Variants in ARFGEF1 observed in about 807,000 individuals in gnomAD.
The protein encoded by ARFGEF1 is brefeldin A-inhibited guanine nucleotide-exchange protein 1.
In ARFGEF1, 42 loss-of-function variants were observed where a neutral mutation model predicts 231.0. That is an observed-to-expected ratio of 0.18 (90% CI 0.14 to 0.24). The LOEUF is 0.24. Among genes scored for constraint, ARFGEF1 ranks in the 10% least tolerant of loss-of-function variants. The pLI, the probability that ARFGEF1 is intolerant of heterozygous loss-of-function variation, is 1.00. For synonymous variants in ARFGEF1, 710 were observed against 732.3 expected, an observed-to-expected ratio of 0.97 and a Z score of 0.49; for missense variants, 1,345 against 2,192.0, an observed-to-expected ratio of 0.61 and a Z score of 7.72.
At chr8:67,310,925 G>A (rs533335972) in intron 1 of ARFGEF1, among the ~76,000 whole-genome samples, 16 of 151,892 alleles carry the variant, frequency 1.1e-4, no homozygotes, top group African/African-American at 3.6e-4. Flanking sequence ...GGGAAGTGAG[G>A]AGCCTCTCCG....
intron 10 of ARFGEF1, among the ~76,000 whole-genome samples, chr8:67,270,442 C>T (rs1348804190): frequency 6.6e-6 from 1 of 151,886 alleles, no homozygotes. Context: ...ATAATTTATC[C>T]TTTCTAACAA....
chr8:67,332,389 C>G (rs1181862726), intron 1 of ARFGEF1, among the ~76,000 whole-genome samples: 1 of 152,132 alleles, frequency 6.6e-6, no homozygotes, highest in African/African-American at 2.4e-5. Flanking sequence ...GCTAACCTAT[C>G]CTGAATCCCT....
intron 5 of ARFGEF1, among the ~76,000 whole-genome samples, chr8:67,189,772 A>T (rs969942383): frequency 5.3e-5 from 8 of 152,170 alleles, no homozygotes; most frequent in African/African-American, 1.9e-4. Context: ...CCCCCCAAAT[A>T]TATATAGAAA....
intron 6 of ARFGEF1, among the ~76,000 whole-genome samples, chr8:67,289,145 T>C (rs775297254): frequency 3.9e-5 from 6 of 152,122 alleles, no homozygotes; most frequent in Non-Finnish European, 7.4e-5. Flanking sequence ...CACTTTAGAA[T>C]GCCCTGGGAT....
Position 67,267,416 on chromosome 8 carries a change from G to A in ARFGEF1, c.1599C>T (p.Tyr533=). ...IEVFFKEIFL[Y]ILETSTSSFD... ...ATGAGCTGGTAGAAGTTTCCAAAAT[G>A]TATAAGAAAATTTCTTTAAAGAACA... Residue 533 remains tyrosine, a synonymous_variant, in exon 11 of 39, where the codon TAC becomes TAT. Coordinates refer to ENST00000262215, the MANE Select transcript of ARFGEF1 (RefSeq NM_006421.5). The A allele has an allele frequency of 3.1e-6, 5 of 1,609,666 alleles. No homozygotes were observed. In the South Asian group the frequency reaches 5.6e-5, roughly 18 times the overall value.
intron 34 of ARFGEF1, among the ~76,000 whole-genome samples, chr8:67,211,146 C>T (rs1838729807): frequency 6.6e-6 from 1 of 151,082 alleles, no homozygotes; most frequent in South Asian, 2.1e-4. Flanking sequence ...GAGTTCAAGA[C>T]CAGCCTGGCC....
chr8:67,190,422 G>A (rs540169204), intron 5 of ARFGEF1, among the ~76,000 whole-genome samples: 154 of 152,172 alleles, frequency 1.0e-3, no homozygotes, highest in Non-Finnish European at 2.0e-3. Flanking sequence ...GTGATTGCCA[G>A]TGTGCACAAA....
chr8:67,275,370 T>C (rs1805270605), intron 9 of ARFGEF1, among the ~76,000 whole-genome samples: 1 of 152,228 alleles, frequency 6.6e-6, no homozygotes, highest in South Asian at 2.1e-4. Context: ...TAGGGTTTAA[T>C]CTAATATATT....
chr8:67,181,338 A>ATTT (rs58029238), intron 5 of ARFGEF1, among the ~76,000 whole-genome samples: 6 of 112,642 alleles, frequency 5.3e-5, no homozygotes, highest in Non-Finnish European at 7.5e-5. Context: ...GTACCTGGCC[A>ATTT]TTTTTTTTTT....
intron 7 of ARFGEF1, among the ~76,000 whole-genome samples, chr8:67,282,783 G>A (rs1400474687): frequency 2.0e-5 from 3 of 150,740 alleles, no homozygotes; most frequent in Non-Finnish European, 4.4e-5. Flanking sequence ...GATAGGCAGA[G>A]TTTGCAGTGA....
Position 67,175,508 on chromosome 8 carries a change from T to TA in ARFGEF1, c.*46dup, listed in dbSNP as rs767082092. The TA allele has an allele frequency of 1.8e-5, 28 of 1,559,732 alleles. No individual in the cohort carries two copies. In the South Asian group the frequency reaches 2.9e-4, roughly 16 times the overall value. ...TTCCGTAGGCTTTCTGCATCTCTTCTATTGATTTCATTCCCAGGCATCCTC... is the reference window on the plus strand; with the variant it reads ...TTCCGTAGGCTTTCTGCATCTCTTCTAATTGATTTCATTCCCAGGCATCCTC... On this transcript the variant is annotated 3_prime_UTR_variant, in exon 6 of 6. Transcript: ENST00000518789.
rs1293310420 is a variant in ARFGEF1, at chr8:67,198,423, T to C, written c.*511A>G. The C allele has an allele frequency of 1.0e-6, 1 of 986,106 alleles. No homozygotes were observed. Among genetic ancestry groups the C allele is most frequent in the East Asian group, 1.1e-4 (1 of 8,832 alleles). The allele number at this position is 986,106 out of a possible 1,614,324, so 61.1% of individuals were successfully genotyped here. ...CTCTGTACATTTTTCACAGGATGAT[T>C]ACCAGTATCTCAGATAGCCTGAGTG... On this transcript the variant is annotated 3_prime_UTR_variant, in exon 39 of 39. Transcript: ENST00000262215.
At chr8:67,281,803 G>A (rs1462551866) in intron 7 of ARFGEF1, among the ~76,000 whole-genome samples, 1 of 151,968 alleles carries the variant, frequency 6.6e-6, no homozygotes, top group African/African-American at 2.4e-5. Flanking sequence ...GAATAGAGAA[G>A]AAAGGACTCA....
At chr8:67,192,524 C>A (rs368180437) in intron 5 of ARFGEF1, among the ~76,000 whole-genome samples, 11 of 152,212 alleles carry the variant, frequency 7.2e-5, no homozygotes, top group African/African-American at 2.2e-4. Flanking sequence ...TTCTTTGAAG[C>A]ACAGAAGTTT....
intron 7 of ARFGEF1, among the ~76,000 whole-genome samples, chr8:67,280,890 G>A (rs1344017810): frequency 6.6e-6 from 1 of 152,148 alleles, no homozygotes; most frequent in African/African-American, 2.4e-5. Context: ...AAAGTTTACA[G>A]CTCAAAAGTG....
chr8:67,293,453 C>CA (rs978862122), intron 5 of ARFGEF1, among the ~76,000 whole-genome samples: 19 of 151,316 alleles, frequency 1.3e-4, no homozygotes, highest in South Asian at 2.1e-4. Context: ...TTTATGTCCT[C>CA]AAAAAAAAGC....
chr8:67,204,620 G>GA, intron 35 of ARFGEF1, 60 bp downstream of exon 35: 1 of 1,547,482 alleles, frequency 6.5e-7, no homozygotes, highest in Non-Finnish European at 8.7e-7. Flanking sequence ...CTACAGCCCA[G>GA]ACTGCTATAC....
chr8:67,238,671 G>A (rs1370863137), intron 21 of ARFGEF1, 64 bp downstream of exon 21: 5 of 1,550,662 alleles, frequency 3.2e-6, no homozygotes, highest in African/African-American at 2.7e-5. Flanking sequence ...TGTCAATGAT[G>A]GACTATTTAG....
At chr8:67,332,490 G>A (rs757411465) in intron 1 of ARFGEF1, among the ~76,000 whole-genome samples, 2 of 152,044 alleles carry the variant, frequency 1.3e-5, no homozygotes, top group African/African-American at 2.4e-5. Context: ...ACATACACAC[G>A]AATTTGCCTG....
Sources: gnomAD v4.1 joint callset for allele counts (sites outside exome capture counted in the v4.1 genomes callset) on GRCh38, gnomAD v4.1.1 for gene constraint, MANE v1.5 for transcripts, NCBI Gene and HGNC (gene_info 2026-07-23, HGNC 2026-07-21) for gene names.